GHR: variants seen among roughly 807,000 people sequenced by gnomAD.
The protein encoded by GHR is growth hormone receptor.
In GHR, 35 loss-of-function variants were observed where a neutral mutation model predicts 67.1. The ratio of observed to expected loss-of-function variants is 0.52; its 90% confidence interval spans 0.40 to 0.69. The LOEUF is 0.69. GHR is among the 30% of genes least tolerant of loss of function. The pLI, the probability that GHR is intolerant of heterozygous loss-of-function variation, is 0.00. For synonymous variants in GHR, 272 were observed against 269.1 expected (o/e 1.01, Z -0.10); for missense variants, 792 against 764.6 (o/e 1.04, Z -0.42).
At position 42,609,460 on chromosome 5, in the gene GHR, A is replaced by G. The variant is rs527696238; in HGVS notation, c.71-19578A>G. The stretch of plus-strand genomic sequence containing the variant: ...ATCATTTTTCATGTCAGATGGTGGC[A>G]TATAGCTTTTCTACTCAAATTCAGT... On this transcript the variant is annotated intron_variant, in intron 2 of 9. Transcript: ENST00000230882. Among the ~76,000 whole-genome samples the G allele has an allele frequency of 1.4e-4, 21 of 152,312 alleles. No individual in the cohort carries two copies. The South Asian group carries it at 1.7e-3, about 12-fold the overall frequency.
At chr5:42,619,650 A>G (rs1753340127) in intron 2 of GHR, 1 of 152,116 alleles carries the variant, frequency 6.6e-6, no homozygotes, top group Non-Finnish European at 1.5e-5. Context: ...TACTTTTTCT[A>G]GCTCTGAAAT....
At chr5:42,636,280 A>G (rs969882361) in intron 3 of GHR, among the ~76,000 whole-genome samples, 1 of 151,846 alleles carries the variant, frequency 6.6e-6, no homozygotes, top group Non-Finnish European at 1.5e-5. Context: ...AATTTTCAGT[A>G]TGCCTATGTA....
chr5:42,538,584 G>C (rs111244112), intron 1 of GHR, among the ~76,000 whole-genome samples: 5 of 152,294 alleles, frequency 3.3e-5, no homozygotes, highest in African/African-American at 1.2e-4. Context: ...GTTACCCAGT[G>C]CTTTTGCCTC....
At chr5:42,518,175 A>G (rs1159741543) in intron 1 of GHR, among the ~76,000 whole-genome samples, 2 of 148,882 alleles carry the variant, frequency 1.3e-5, no homozygotes, top group African/African-American at 4.9e-5. Context: ...TATATTCATA[A>G]TAATGATTAA....
rs185176563 is a variant in GHR at position 42,710,539 on chromosome 5, G to A, written c.619-668G>A. The stretch of plus-strand genomic sequence containing the variant: ...GTAAAGGAATATCCTGACCTTAAGG[G>A]TTGTGAGACCTAGATGTTTCTTACC... On this transcript the variant is annotated intron_variant, in intron 6 of 9. Coordinates refer to ENST00000230882, the MANE Select transcript of GHR (RefSeq NM_000163.5). Among the ~76,000 whole-genome samples, 155 of 151,906 alleles carry A rather than the reference G, an allele frequency of 1.0e-3. 1 individual carries two copies. The highest frequency in any genetic ancestry group is 3.7e-3 in the African/African-American group (153 of 41,452).
chr5:42,689,708 CAG>C (rs1431856667), intron 4 of GHR, among the ~76,000 whole-genome samples: 10 of 152,180 alleles, frequency 6.6e-5, no homozygotes, highest in Admixed American at 5.9e-4. Flanking sequence ...GGGAAGGGAT[CAG>C]AGAGTTACTT....
chr5:42,569,126 A>G (rs1361191799), intron 2 of GHR, among the ~76,000 whole-genome samples: 1 of 152,218 alleles, frequency 6.6e-6, no homozygotes, highest in African/African-American at 2.4e-5. Flanking sequence ...TTAAGATTTT[A>G]AAAGGCTGAG....
At chr5:42,638,124 A>G (rs1022771937) in intron 3 of GHR, among the ~76,000 whole-genome samples, 1 of 152,058 alleles carries the variant, frequency 6.6e-6, no homozygotes, top group Non-Finnish European at 1.5e-5. Context: ...TATTTTTAGT[A>G]GAGACGGGAT....
chr5:42,510,341 A>G (rs975550877), intron 1 of GHR, among the ~76,000 whole-genome samples: 1 of 152,184 alleles, frequency 6.6e-6, no homozygotes, highest in Non-Finnish European at 1.5e-5. Context: ...TGCTTTCAGC[A>G]CAGTATATCA....
intron 3 of GHR, among the ~76,000 whole-genome samples, chr5:42,672,541 G>A (rs1286408638): frequency 6.6e-6 from 1 of 152,076 alleles, no homozygotes; most frequent in Non-Finnish European, 1.5e-5. Context: ...TCAGTAAATG[G>A]TACTGGGATA....
chr5:42,562,069 G>A (rs540995723), intron 1 of GHR, among the ~76,000 whole-genome samples: 1 of 152,286 alleles, frequency 6.6e-6, no homozygotes, highest in East Asian at 1.9e-4. Context: ...ACATTGTAAT[G>A]TTAGATAACA....
intron 2 of GHR, among the ~76,000 whole-genome samples, chr5:42,594,856 G>A (rs1445933327): frequency 1.3e-5 from 2 of 152,130 alleles, no homozygotes; most frequent in African/African-American, 4.8e-5. Context: ...CCCATTAGCT[G>A]TCAGAGCATC....
intron 1 of GHR, among the ~76,000 whole-genome samples, chr5:42,526,785 G>T (rs1032949905): frequency 5.3e-5 from 8 of 152,132 alleles, no homozygotes; most frequent in Admixed American, 6.5e-5. Context: ...ATAATCATCA[G>T]ATTTTCCAAG....
At chr5:42,560,996 G>T (rs976801662) in intron 1 of GHR, among the ~76,000 whole-genome samples, 1 of 152,134 alleles carries the variant, frequency 6.6e-6, no homozygotes, top group Non-Finnish European at 1.5e-5. Context: ...GTTTTAATCT[G>T]GTCCTACCTC....
intron 1 of GHR, among the ~76,000 whole-genome samples, chr5:42,486,566 G>T (rs544591690): frequency 6.6e-6 from 1 of 152,204 alleles, no homozygotes; most frequent in Non-Finnish European, 1.5e-5. Context: ...AACCAAGTTT[G>T]GCCGGGCACG....
At chr5:42,677,902 A>G (rs1756648973) in intron 3 of GHR, among the ~76,000 whole-genome samples, 1 of 152,220 alleles carries the variant, frequency 6.6e-6, no homozygotes, top group African/African-American at 2.4e-5. Context: ...ACTTATAGTT[A>G]CAGGATGAAA....
rs531831922 is a variant in GHR at position 42,667,978 on chromosome 5, C to T, written c.137-20912C>T. Among the ~76,000 whole-genome samples the T allele has an allele frequency of 2.3e-3, 356 of 152,222 alleles. 2 individuals carry two copies. The highest frequency in any genetic ancestry group is 0.01 in the Middle Eastern group (3 of 294). On this transcript the variant is annotated intron_variant, in intron 3 of 9. Coordinates refer to ENST00000230882, the MANE Select transcript of GHR (RefSeq NM_000163.5). ...ATCTTTAACTGCCTTTTTTCATTAGCTACTTCTCTATCTGCTTATGTACGT... is the reference window on the plus strand; with the variant it reads ...ATCTTTAACTGCCTTTTTTCATTAGTTACTTCTCTATCTGCTTATGTACGT...
intron 1 of GHR, among the ~76,000 whole-genome samples, chr5:42,490,995 A>T (rs1171791378): frequency 6.6e-6 from 1 of 152,238 alleles, no homozygotes; most frequent in Non-Finnish European, 1.5e-5. Context: ...CTGTTGTCAT[A>T]ATATTTCTAA....
chr5:42,482,966 G>C (rs1163078307), intron 1 of GHR, among the ~76,000 whole-genome samples: 1 of 152,172 alleles, frequency 6.6e-6, no homozygotes, highest in Non-Finnish European at 1.5e-5. Context: ...CCCGTCTTCT[G>C]TGTCACTTAT....
Sources: gnomAD v4.1 joint callset for allele counts (sites outside exome capture counted in the v4.1 genomes callset) on GRCh38, gnomAD v4.1.1 for gene constraint, MANE v1.5 for transcripts, NCBI Gene and HGNC (gene_info 2026-07-23, HGNC 2026-07-21) for gene names.